Variants in INSYN2B observed in about 807,000 individuals in gnomAD.
INSYN2B encodes inhibitory synaptic factor family member 2B.
In INSYN2B, 16 loss-of-function variants were observed where a neutral mutation model predicts 41.2. The ratio of observed to expected loss-of-function variants is 0.39; its 90% CI spans 0.26 to 0.59. The LOEUF (loss-of-function observed/expected upper bound fraction) is 0.59, where lower values mean the gene tolerates loss of function less well. Among genes scored for constraint, INSYN2B ranks in the 20% least tolerant of loss-of-function variants. INSYN2B has a pLI of 0.57. For synonymous variants in INSYN2B, 245 were observed against 244.4 expected (o/e 1.00, Z -0.02); for missense variants, 608 against 646.4 (o/e 0.94, Z 0.64).
In INSYN2B at chr5:169,864,195, G is replaced by A. The variant is rs572187521; in HGVS notation, c.*78C>T. On this transcript the variant is annotated 3_prime_UTR_variant, in exon 4 of 4. Coordinates refer to ENST00000377365, the MANE Select transcript of INSYN2B (RefSeq NM_001129891.3). ...CCCAGGGCCTTTGCAAAGAAGCAGG[G>A]CAGGCCTTAAGTGCAGTGGATTTCC... 7.0e-6 allele frequency: 9 copies of A among 1,277,204 alleles called. No homozygotes were observed. The South Asian group carries it at 1.0e-4, about 15-fold the overall frequency. The allele number at this position is 1,277,204 out of a possible 1,614,324, so 79.1% of individuals were successfully genotyped here. A position where few individuals can be genotyped will look rare whatever the true frequency, so the allele number is the denominator to read the frequency against.
chr5:169,870,276 G>A (rs1232078629), intron 3 of INSYN2B, among the ~76,000 whole-genome samples: 1 of 152,152 alleles, frequency 6.6e-6, no homozygotes, highest in Non-Finnish European at 1.5e-5. Flanking sequence ...ACAGATCAGT[G>A]CTCCAGCCAT....
intron 3 of INSYN2B, among the ~76,000 whole-genome samples, chr5:169,869,108 C>G (rs966432542): frequency 6.6e-6 from 1 of 152,232 alleles, no homozygotes; most frequent in Non-Finnish European, 1.5e-5. Context: ...CCACTCCACT[C>G]TTCCTCACTA....
intron 1 of INSYN2B, among the ~76,000 whole-genome samples, chr5:169,977,267 C>T (rs1031202322): frequency 3.3e-5 from 5 of 152,202 alleles, no homozygotes; most frequent in African/African-American, 7.2e-5. Flanking sequence ...GGCAGAGGCT[C>T]TTAGCTGTTC....
At chr5:169,881,691 G>A (rs1772665360) in intron 2 of INSYN2B, among the ~76,000 whole-genome samples, 1 of 152,164 alleles carries the variant, frequency 6.6e-6, no homozygotes, top group Non-Finnish European at 1.5e-5. Flanking sequence ...GTTGTGAGAT[G>A]AGGGATTCTG....
chr5:169,960,398 C>T (rs1038651582), intron 1 of INSYN2B, among the ~76,000 whole-genome samples: 4 of 152,126 alleles, frequency 2.6e-5, no homozygotes, highest in African/African-American at 9.7e-5. Context: ...TCATTTCAGG[C>T]CATTGATAAT....
At chr5:169,864,592 G>T in intron 3 of INSYN2B, 133 bp from the exon 4 acceptor site, 1 of 706,234 alleles carries the variant, frequency 1.4e-6, no homozygotes, top group Non-Finnish European at 2.3e-6. Context: ...GTACCTACTG[G>T]CTCTTTGACC....
chr5:169,876,173 C>T (rs551796603), intron 3 of INSYN2B, among the ~76,000 whole-genome samples: 4 of 152,314 alleles, frequency 2.6e-5, no homozygotes, highest in Middle Eastern at 3.4e-3. Context: ...TCTTTCTCTG[C>T]GGCCCTTGTG....
At chr5:169,939,751 T>C (rs1256106771) in intron 1 of INSYN2B, among the ~76,000 whole-genome samples, 1 of 152,200 alleles carries the variant, frequency 6.6e-6, no homozygotes, top group Non-Finnish European at 1.5e-5. Flanking sequence ...TACTTAAAGT[T>C]CTTATAAGGA....
chr5:169,895,330 G>T (rs748889113), intron 1 of INSYN2B, among the ~76,000 whole-genome samples: 2 of 151,852 alleles, frequency 1.3e-5, no homozygotes, highest in African/African-American at 4.8e-5. Context: ...AAAGGGAAGA[G>T]CATATGGTAG....
At chr5:169,951,870 A>G (rs1345364369) in intron 1 of INSYN2B, among the ~76,000 whole-genome samples, 1 of 152,236 alleles carries the variant, frequency 6.6e-6, no homozygotes, top group African/African-American at 2.4e-5. Context: ...CCAAGATCAC[A>G]CAGCCAAGAA....
chr5:169,973,234 G>GA (rs1006207005), intron 1 of INSYN2B, among the ~76,000 whole-genome samples: 7 of 152,138 alleles, frequency 4.6e-5, no homozygotes, highest in African/African-American at 1.7e-4. Flanking sequence ...TGTAAAGGGA[G>GA]AAAAATGGAA....
chr5:169,882,828 C>T lies in INSYN2B; in HGVS notation c.1071G>A (p.Gln357=), dbSNP rs373508606. Residue 357 remains glutamine, a synonymous_variant, in exon 2 of 4, where the codon CAG becomes CAA. Transcript: ENST00000377365. Reference sequence around the variant, plus strand: ...CTGACTCGGTGGGGTTGTTTGCCGTCTGCTCCTGACACCCAGGGGCAGATT... The same window carrying T: ...CTGACTCGGTGGGGTTGTTTGCCGTTTGCTCCTGACACCCAGGGGCAGATT... ...ASKSAPGCQE[Q]TANNPTESDT... 6.4e-5 allele frequency: 99 copies of T among 1,550,910 alleles called. No individual in the cohort carries two copies. In the African/African-American group the frequency reaches 1.1e-3, roughly 17 times the overall value.
rs1325076228 is a variant in INSYN2B, at chr5:169,897,684, G to T, written c.-918-12868C>A. Reference sequence around the variant, plus strand: ...AAGACAGAAGTTCCCTCAAACTCAAGTAATGCAACTCTGCCTTGTGACGGG... The same window carrying T: ...AAGACAGAAGTTCCCTCAAACTCAATTAATGCAACTCTGCCTTGTGACGGG... On this transcript the variant is annotated intron_variant, in intron 1 of 3. Coordinates refer to ENST00000377365, the MANE Select transcript of INSYN2B (RefSeq NM_001129891.3). 2.6e-5 allele frequency among the ~76,000 whole-genome samples: 4 copies of T among 152,232 alleles called. No homozygotes were observed. In the East Asian group the frequency reaches 7.7e-4, roughly 29 times the overall value.
intron 1 of INSYN2B, among the ~76,000 whole-genome samples, chr5:169,932,782 C>T (rs1220857433): frequency 6.6e-6 from 1 of 152,050 alleles, no homozygotes; most frequent in Non-Finnish European, 1.5e-5. Flanking sequence ...AAACACTCAC[C>T]TATGCATAGT....
chr5:169,865,699 T>C (rs925858392), intron 3 of INSYN2B, among the ~76,000 whole-genome samples: 4 of 152,256 alleles, frequency 2.6e-5, no homozygotes, highest in Non-Finnish European at 4.4e-5. Flanking sequence ...GTGTGGGAAG[T>C]GGAGGAAACG....
At chr5:169,868,510 G>T (rs973960068) in intron 3 of INSYN2B, among the ~76,000 whole-genome samples, 3 of 152,186 alleles carry the variant, frequency 2.0e-5, no homozygotes, top group African/African-American at 7.2e-5. Flanking sequence ...TGTAATCCCA[G>T]CACTTCGAAA....
intron 1 of INSYN2B, among the ~76,000 whole-genome samples, chr5:169,896,163 C>T (rs1238564265): frequency 6.6e-6 from 1 of 151,396 alleles, no homozygotes; most frequent in African/African-American, 2.4e-5. Flanking sequence ...AGCCAGAAAC[C>T]GTTGCTCCTG....
chr5:169,920,968 T>C (rs954151344), intron 1 of INSYN2B, among the ~76,000 whole-genome samples: 3 of 152,224 alleles, frequency 2.0e-5, no homozygotes, highest in Non-Finnish European at 4.4e-5. Context: ...GAGATTCATA[T>C]TGTTAGGTCT....
intron 1 of INSYN2B, among the ~76,000 whole-genome samples, chr5:169,892,275 C>T (rs1322601584): frequency 6.6e-6 from 1 of 152,190 alleles, no homozygotes; most frequent in East Asian, 1.9e-4. Flanking sequence ...GAAACTGAGA[C>T]TCTGAGCAGC....
Sources: allele counts gnomAD v4.1 joint callset (sites outside exome capture counted in the v4.1 genomes callset), GRCh38; gene constraint gnomAD v4.1.1; transcripts MANE v1.5; gene names NCBI Gene and HGNC (gene_info 2026-07-23, HGNC 2026-07-21).